Variants in SRGAP1 observed in about 807,000 individuals in gnomAD.
SRGAP1 encodes the protein SLIT-ROBO Rho GTPase activating protein 1.
SRGAP1 carries 43 observed loss-of-function variants against 121.9 expected under a neutral mutation model. The observed-to-expected ratio is 0.35, with a 90% CI of 0.28 to 0.46. The LOEUF (loss-of-function observed/expected upper bound fraction) is 0.46. Ranked by LOEUF, SRGAP1 falls within the 20% of genes least tolerant of loss-of-function variation. The pLI, the probability that SRGAP1 is intolerant of heterozygous loss-of-function variation, is 1.00. For synonymous variants in SRGAP1, 447 were observed against 485.4 expected, an observed-to-expected ratio of 0.92 and a Z score of 1.04; for missense variants, 1,102 against 1,350.9, an observed-to-expected ratio of 0.82 and a Z score of 2.89.
chr12:64,151,194 A>C lies in SRGAP1; in HGVS notation c.*8522A>C, dbSNP rs1466142947. ...ACAGAAATAATAATATGAACATCTT[A>C]GTATATTGTCTTCTAATCCTTACAT... On this transcript the variant is annotated 3_prime_UTR_variant, in exon 22 of 22. Transcript: ENST00000355086. 1 of 152,172 alleles carries C rather than the reference A, an allele frequency of 6.6e-6. No homozygotes were observed. The highest frequency in any genetic ancestry group is 1.5e-5 in the Non-Finnish European group (1 of 68,036). 9.4% of individuals were successfully genotyped at this position (152,172 alleles called of 1,614,324 possible). A position where few individuals can be genotyped will look rare whatever the true frequency, so the allele number is the denominator to read the frequency against.
At chr12:64,032,536 ACC>A in intron 4 of SRGAP1, 1 of 1,168,192 alleles carries the variant, frequency 8.6e-7, no homozygotes, top group Non-Finnish European at 1.3e-6. Context: ...GCACAGAGTG[ACC>A]CAAGGCAGTG....
chr12:64,120,504 T>TG (rs1319500493), intron 18 of SRGAP1: 2 of 152,070 alleles, frequency 1.3e-5, no homozygotes, highest in Non-Finnish European at 2.9e-5. Flanking sequence ...ATTTCCTTAA[T>TG]GGGGGTGGAG....
intron 1 of SRGAP1, among the ~76,000 whole-genome samples, chr12:63,942,783 C>T (rs1210977597): frequency 4.6e-5 from 7 of 152,270 alleles, no homozygotes; most frequent in South Asian, 2.1e-4. Flanking sequence ...CGTCTCCCAG[C>T]GCAGACGCTT....
chr12:64,080,509 T>C, intron 10 of SRGAP1, 139 bp downstream of exon 10: 1 of 789,430 alleles, frequency 1.3e-6, no homozygotes, highest in Non-Finnish European at 2.2e-6. Flanking sequence ...TTTGTTTGTA[T>C]ATGTCATGAT....
At chr12:64,015,681 C>T (rs2034383925) in intron 3 of SRGAP1, among the ~76,000 whole-genome samples, 1 of 152,112 alleles carries the variant, frequency 6.6e-6, no homozygotes, top group African/African-American at 2.4e-5. Context: ...AGGACTAGGA[C>T]CCTCTTTAAA....
At chr12:63,892,238 C>A (rs914473776) in intron 1 of SRGAP1, among the ~76,000 whole-genome samples, 2 of 152,156 alleles carry the variant, frequency 1.3e-5, no homozygotes, top group African/African-American at 4.8e-5. Context: ...TTTAAATGTT[C>A]TGTTTTCAGT....
chr12:63,923,491 G>A (rs1322192878), intron 1 of SRGAP1, among the ~76,000 whole-genome samples: 1 of 152,140 alleles, frequency 6.6e-6, no homozygotes, highest in Non-Finnish European at 1.5e-5. Context: ...ATGATTTTAT[G>A]TGAAAAGTTT....
intron 16 of SRGAP1, 51 bp from the exon 17 acceptor site, chr12:64,111,711 C>A: frequency 6.8e-7 from 1 of 1,466,718 alleles, no homozygotes. Flanking sequence ...ACATTTATAT[C>A]CTTTTTTTCT....
At chr12:63,914,216 C>G (rs2030680128) in intron 1 of SRGAP1, among the ~76,000 whole-genome samples, 1 of 152,182 alleles carries the variant, frequency 6.6e-6, no homozygotes, top group Non-Finnish European at 1.5e-5. Flanking sequence ...GTTTATGGTT[C>G]TGTTTTTCCC....
At chr12:64,142,178 G>C in intron 21 of SRGAP1, 117 bp from the exon 22 acceptor site, 1 of 1,019,958 alleles carries the variant, frequency 9.8e-7, no homozygotes, top group Admixed American at 2.3e-5. Flanking sequence ...AGACTATGGA[G>C]TCAAAGATAT....
At chr12:63,975,730 A>G (rs977056320) in intron 1 of SRGAP1, among the ~76,000 whole-genome samples, 12 of 152,126 alleles carry the variant, frequency 7.9e-5, no homozygotes, top group Admixed American at 2.0e-4. Context: ...TTTCTCCACA[A>G]TGTAGCTACA....
At chr12:63,982,939 T>G (rs1443538686) in intron 1 of SRGAP1, 2 of 152,228 alleles carry the variant, frequency 1.3e-5, no homozygotes, top group African/African-American at 4.8e-5. Context: ...TGTATTAAAA[T>G]TATCAGAGGA....
At chr12:63,993,585 T>C (rs2033615181) in intron 3 of SRGAP1, among the ~76,000 whole-genome samples, 1 of 152,204 alleles carries the variant, frequency 6.6e-6, no homozygotes, top group South Asian at 2.1e-4. Flanking sequence ...ATAAATGCTG[T>C]GTGCCTGATA....
intron 3 of SRGAP1, among the ~76,000 whole-genome samples, chr12:63,994,517 C>T (rs1018066021): frequency 3.3e-5 from 5 of 152,066 alleles, no homozygotes; most frequent in African/African-American, 9.7e-5. Context: ...ACAAGCTGGC[C>T]GAGACTCCAT....
intron 15 of SRGAP1, among the ~76,000 whole-genome samples, chr12:64,105,552 G>C (rs1228126772): frequency 6.6e-6 from 1 of 152,174 alleles, no homozygotes; most frequent in African/African-American, 2.4e-5. Context: ...GGGAGGCTGA[G>C]GCAGGCAGAT....
chr12:63,906,006 C>T (rs1376865695), intron 1 of SRGAP1, among the ~76,000 whole-genome samples: 2 of 152,146 alleles, frequency 1.3e-5, no homozygotes, highest in Non-Finnish European at 2.9e-5. Context: ...TTTCATTACC[C>T]CTAAAAGTTG....
chr12:64,016,566 C>CAGAAA (rs2034408287), intron 3 of SRGAP1, among the ~76,000 whole-genome samples: 1 of 152,174 alleles, frequency 6.6e-6, no homozygotes, highest in South Asian at 2.1e-4. Context: ...GTTAATTTCC[C>CAGAAA]CTTTGGTTTC....
intron 1 of SRGAP1, among the ~76,000 whole-genome samples, chr12:63,876,466 A>C (rs922280938): frequency 2.6e-5 from 4 of 152,172 alleles, no homozygotes; most frequent in African/African-American, 7.2e-5. Flanking sequence ...TTTATTATGT[A>C]ATTTGAATAT....
rs1399068299 is a variant in SRGAP1 at position 63,984,142 on chromosome 12, A to C, written c.263A>C (p.Lys88Thr). The C allele has an allele frequency of 6.9e-7, 1 of 1,442,032 alleles. No individual in the cohort carries two copies. The highest frequency in any genetic ancestry group is 1.4e-5 in the African/African-American group (1 of 70,036). The allele number at this position is 1,442,032 out of a possible 1,614,324, so 89.3% of individuals were successfully genotyped here. The change falls in exon 2 of 22, where the codon AAG (lysine) becomes ACG (threonine). Residue 88 changes from lysine (K) to threonine (T), a missense_variant and splice_region_variant. Lys to Thr is a moderately conservative substitution (Grantham distance 78). Coordinates refer to ENST00000355086, the MANE Select transcript of SRGAP1 (RefSeq NM_020762.4). ...AGCACTAAGGATCATCAACAATACA[A>C]GTAAGAGATTTGAATCTAATTCACC... ...TRSTKDHQQY[K>T]KDQNLLSPVN...
Sources: allele counts gnomAD v4.1 joint callset (sites outside exome capture counted in the v4.1 genomes callset), GRCh38; gene constraint gnomAD v4.1.1; transcripts MANE v1.5; gene names NCBI Gene and HGNC (gene_info 2026-07-23, HGNC 2026-07-21).